Variants in CLGN observed in about 807,000 individuals in gnomAD.
The protein encoded by CLGN is calmegin.
CLGN carries 62 observed loss-of-function variants against 79.1 expected under a neutral mutation model. That is an observed-to-expected ratio of 0.78 (90% confidence interval 0.64 to 0.97). The LOEUF is 0.97. Ranked by LOEUF, CLGN falls within the 50% of genes least tolerant of loss-of-function variation. CLGN has a pLI of 0.00. For synonymous variants in CLGN, 225 were observed against 224.7 expected (o/e 1.00, Z -0.01); for missense variants, 647 against 715.5 (o/e 0.90, Z 1.09).
intron 1 of CLGN, among the ~76,000 whole-genome samples, chr4:140,422,892 C>T (rs903097172): frequency 2.0e-5 from 3 of 152,204 alleles, no homozygotes; most frequent in Admixed American, 1.3e-4. Context: ...GCTGGGACTA[C>T]AGGCATGAGC....
rs776265384 is a variant in CLGN, at chr4:140,406,006, G to A, written c.355C>T (p.His119Tyr). ...GCTAATACAGCAGATATTGCATGAT[G>A]CTTTGCTCTAGATTTTAATACCAGT... ...RGLVLKSRAKHHAISAVLAKP... is the reference protein window; with the variant it reads ...RGLVLKSRAKYHAISAVLAKP... Residue 119 changes from histidine (H) to tyrosine (Y), a missense_variant, in exon 5 of 15, where the codon CAT (histidine) becomes TAT (tyrosine). His to Tyr is a moderately conservative substitution (Grantham distance 83). Transcript: ENST00000325617. 2.5e-6 allele frequency: 4 copies of A among 1,613,374 alleles called. No individual in the cohort carries two copies. The Admixed American group carries it at 6.7e-5, about 27-fold the overall frequency.
intron 13 of CLGN, 87 bp downstream of exon 13, chr4:140,392,132 A>G: frequency 7.1e-7 from 1 of 1,399,914 alleles, no homozygotes; most frequent in Non-Finnish European, 9.8e-7. Flanking sequence ...ATAATAAACA[A>G]GTATAATAAC....
chr4:140,396,875 A>C, intron 8 of CLGN, among the ~76,000 whole-genome samples: 1 of 12,724 alleles, frequency 7.9e-5, no homozygotes, highest in East Asian at 1.7e-3. Flanking sequence ...ATATATATAC[A>C]TATATATATA....
chr4:140,392,500 T>G, intron 12 of CLGN, 86 bp downstream of exon 12: 1 of 1,497,658 alleles, frequency 6.7e-7, no homozygotes, highest in Non-Finnish European at 9.0e-7. Flanking sequence ...TTTAGTTTAT[T>G]ACTTTTAAGA....
chr4:140,396,928 T>C (rs866705388), intron 8 of CLGN, among the ~76,000 whole-genome samples: 71 of 98,268 alleles, frequency 7.2e-4, no homozygotes, highest in African/African-American at 1.4e-3. Context: ...TATATACACA[T>C]ATATATATAT....
At chr4:140,396,237 T>C in intron 8 of CLGN, 32 bp from the exon 9 acceptor site, 2 of 1,503,430 alleles carry the variant, frequency 1.3e-6, no homozygotes, top group Non-Finnish European at 1.9e-6. Flanking sequence ...TTACTAATTA[T>C]TCAGAAAGTT....
At chr4:140,419,006 T>C (rs1578608595) in intron 1 of CLGN, among the ~76,000 whole-genome samples, 1 of 152,286 alleles carries the variant, frequency 6.6e-6, no homozygotes, top group African/African-American at 2.4e-5. Context: ...ATATACACCA[T>C]GGAATACTAT....
In CLGN at chr4:140,392,346, G is replaced by C; in HGVS notation, c.1524C>G (p.Thr508=). The change falls in exon 13 of 15, where the codon ACC becomes ACG. Residue 508 remains threonine, a synonymous_variant. Coordinates refer to ENST00000325617, the MANE Select transcript of CLGN (RefSeq NM_004362.3). ...KKHKDTEYKK[T]DICIPQTKGV... is the part of the protein sequence containing the mutation. ...CTTTTGTTTGTGGTATACATATGTC[G>C]GTTTTTTTATACTCTGTATCTTTAT... is the stretch of plus-strand genomic sequence containing the variant. 1 of 1,605,656 alleles carries C rather than the reference G, an allele frequency of 6.2e-7. No homozygotes were observed. The highest frequency in any genetic ancestry group is 2.2e-5 in the East Asian group (1 of 44,668).
intron 5 of CLGN, 54 bp from the exon 6 acceptor site, chr4:140,402,120 T>C (rs992659734): frequency 1.2e-5 from 11 of 894,930 alleles, no homozygotes; most frequent in Non-Finnish European, 1.9e-5. Flanking sequence ...TACTAGTTGC[T>C]CTTTAAAATA....
In CLGN at chr4:140,393,967, G is replaced by A; in HGVS notation, c.1224C>T (p.Phe408=). Residue 408 remains phenylalanine (F), a synonymous_variant, in exon 11 of 15, where the codon TTC becomes TTT. Transcript: ENST00000325617. ...EDDHPFLLTS[F]SALGLELWSM... ...ACCAAAGCTCTAAACCAAGAGCACTGAAAGAAGTCAGAAGAAATGGATGAT... is the reference window on the plus strand; with the variant it reads ...ACCAAAGCTCTAAACCAAGAGCACTAAAAGAAGTCAGAAGAAATGGATGAT... 6.2e-7 allele frequency: 1 copy of A among 1,613,710 alleles called. No homozygotes were observed.
chr4:140,403,540 G>A (rs1578598460), intron 5 of CLGN, among the ~76,000 whole-genome samples: 1 of 152,126 alleles, frequency 6.6e-6, no homozygotes, highest in Non-Finnish European at 1.5e-5. Flanking sequence ...AACACGTGGT[G>A]CATGATATGA....
chr4:140,410,678 A>C, intron 2 of CLGN, 52 bp from the exon 3 acceptor site: 1 of 1,112,650 alleles, frequency 9.0e-7, no homozygotes, highest in Non-Finnish European at 1.4e-6. Flanking sequence ...CAAATATTTC[A>C]ATTAAATAAT....
In CLGN at chr4:140,391,738, G is replaced by C. The variant is rs188103044; in HGVS notation, c.1651+481C>G. ...TAACATAGGGTGAGAAGGGGATATA[G>C]GTTCAGCAATCCTTTCAGAAAATTA... On this transcript the variant is annotated intron_variant, in intron 13 of 14. Transcript: ENST00000325617. Among the ~76,000 whole-genome samples the C allele has an allele frequency of 1.6e-3, 249 of 151,918 alleles. 1 individual carries two copies. Among genetic ancestry groups the C allele is most frequent in the African/African-American group, 5.8e-3 (240 of 41,530 alleles).
chr4:140,404,603 GT>G (rs1160249137), intron 5 of CLGN, among the ~76,000 whole-genome samples: 1 of 151,656 alleles, frequency 6.6e-6, no homozygotes, highest in Non-Finnish European at 1.5e-5. Flanking sequence ...CCTTTGAATT[GT>G]TTTTAAACAT....
chr4:140,406,230 A>G (rs755012901), intron 4 of CLGN, 147 bp from the exon 5 acceptor site: 88 of 689,742 alleles, frequency 1.3e-4, no homozygotes, highest in Admixed American at 6.0e-5. Flanking sequence ...CTTCAACTAT[A>G]TATGTATGCC....
intron 1 of CLGN, among the ~76,000 whole-genome samples, chr4:140,420,333 GA>G (rs1371629190): frequency 6.6e-6 from 1 of 152,042 alleles, no homozygotes; most frequent in Non-Finnish European, 1.5e-5. Context: ...AAACAGTTCA[GA>G]AAACACTTTA....
intron 2 of CLGN, among the ~76,000 whole-genome samples, chr4:140,411,727 C>T (rs1337892171): frequency 1.3e-5 from 2 of 152,090 alleles, no homozygotes; most frequent in Non-Finnish European, 2.9e-5. Flanking sequence ...GGTCAAGATT[C>T]AGCTACCAAA....
intron 1 of CLGN, among the ~76,000 whole-genome samples, chr4:140,419,557 A>T (rs556890325): frequency 1.3e-5 from 2 of 152,296 alleles, no homozygotes; most frequent in East Asian, 3.9e-4. Flanking sequence ...AAAAGATACA[A>T]AAATTTTTTT....
chr4:140,414,660 A>G (rs1196438223), intron 1 of CLGN, among the ~76,000 whole-genome samples: 1 of 144,272 alleles, frequency 6.9e-6, no homozygotes, highest in Non-Finnish European at 1.5e-5. Flanking sequence ...AAAAAGAATA[A>G]AAAGAAATGA....
Sources: gnomAD v4.1 joint callset for allele counts (sites outside exome capture counted in the v4.1 genomes callset) on GRCh38, gnomAD v4.1.1 for gene constraint, MANE v1.5 for transcripts, NCBI Gene and HGNC (gene_info 2026-07-23, HGNC 2026-07-21) for gene names.